Variants in CTNNA3 observed in about 807,000 individuals in gnomAD.
CTNNA3 encodes the protein catenin alpha 3.
In CTNNA3, 76 loss-of-function variants were observed where a neutral mutation model predicts 95.7. The observed-to-expected ratio is 0.79, with a 90% CI of 0.66 to 0.96. The LOEUF (loss-of-function observed/expected upper bound fraction) is 0.96. Ranked by LOEUF, CTNNA3 falls within the 40% of genes least tolerant of loss-of-function variation. The pLI, the probability that CTNNA3 is intolerant of heterozygous loss-of-function variation, is 0.00. For missense variants in CTNNA3, 1,191 were observed against 1,089.8 expected (o/e 1.09, Z -1.31); for synonymous variants, 431 against 374.4 (o/e 1.15, Z -1.74).
intron 7 of CTNNA3, chr10:67,098,480 A>AT (rs560959831): frequency 3.3e-5 from 5 of 152,306 alleles, no homozygotes; most frequent in East Asian, 1.9e-4. Flanking sequence ...AAAATCAAAG[A>AT]TTTTTTTAAC....
chr10:67,103,958 G>A (rs1858486347), intron 7 of CTNNA3, among the ~76,000 whole-genome samples: 1 of 151,588 alleles, frequency 6.6e-6, no homozygotes, highest in Admixed American at 6.6e-5. Flanking sequence ...CCTAAAAAGA[G>A]TAGACATTTG....
chr10:67,303,502 GC>G lies in CTNNA3; in HGVS notation c.580-83633del, dbSNP rs1454054838. Reference sequence around the variant, plus strand: ...GAGATCCGGCATGCAGGCCTAATTTGCTTTTGTTAACACACCCAAGTTTTGA... The same window carrying G: ...GAGATCCGGCATGCAGGCCTAATTTGTTTTGTTAACACACCCAAGTTTTGA... On this transcript the variant is annotated intron_variant, in intron 5 of 17. Transcript: ENST00000433211. Among the ~76,000 whole-genome samples the G allele has an allele frequency of 2.0e-5, 3 of 152,142 alleles. No individual in the cohort carries two copies. In the East Asian group the frequency reaches 5.8e-4, roughly 29 times the overall value.
chr10:66,528,401 T>C (rs1302754006), intron 10 of CTNNA3, among the ~76,000 whole-genome samples: 1 of 152,188 alleles, frequency 6.6e-6, no homozygotes, highest in Non-Finnish European at 1.5e-5. Context: ...CTTGAACATC[T>C]AAACTACGTT....
At chr10:67,451,832 T>C (rs551552421) in intron 5 of CTNNA3, among the ~76,000 whole-genome samples, 19 of 152,306 alleles carry the variant, frequency 1.2e-4, no homozygotes, top group African/African-American at 3.6e-4. Flanking sequence ...TTACTTCATA[T>C]TTTACCATTT....
Position 66,617,975 on chromosome 10 carries a change from A to G in CTNNA3, c.1374+3717T>C, listed in dbSNP as rs1208265495. Among the ~76,000 whole-genome samples, 3 of 151,726 alleles carry G rather than the reference A, an allele frequency of 2.0e-5. No individual in the cohort carries two copies. In the East Asian group the frequency reaches 5.8e-4, roughly 29 times the overall value. The stretch of plus-strand genomic sequence containing the variant: ...TCCCATTCACAATTGCTTCAAAGAG[A>G]ATAAAATAACTAGGAATCCAACTTA... On this transcript the variant is annotated intron_variant, in intron 10 of 17. Transcript: ENST00000433211.
At chr10:66,217,728 C>G (rs2088647517) in intron 13 of CTNNA3, among the ~76,000 whole-genome samples, 1 of 152,098 alleles carries the variant, frequency 6.6e-6, no homozygotes, top group African/African-American at 2.4e-5. Flanking sequence ...TTTTCTCCCC[C>G]CAAAAGGATT....
At chr10:66,116,094 T>A (rs1046102979) in intron 13 of CTNNA3, among the ~76,000 whole-genome samples, 1 of 152,206 alleles carries the variant, frequency 6.6e-6, no homozygotes, top group African/African-American at 2.4e-5. Flanking sequence ...AATTATGCTC[T>A]GTATTTAAAG....
chr10:66,539,491 A>C (rs1184724920), intron 10 of CTNNA3, among the ~76,000 whole-genome samples: 8 of 152,156 alleles, frequency 5.3e-5, no homozygotes, highest in African/African-American at 1.7e-4. Context: ...GAAATCCAAC[A>C]GACTTTAGTT....
intron 11 of CTNNA3, among the ~76,000 whole-genome samples, chr10:66,443,049 T>C (rs1167860092): frequency 6.6e-6 from 1 of 152,102 alleles, no homozygotes; most frequent in African/African-American, 2.4e-5. Flanking sequence ...CCACAGAGTC[T>C]CACTGATTGC....
chr10:66,190,484 G>C (rs1052082808), intron 13 of CTNNA3, among the ~76,000 whole-genome samples: 2 of 152,110 alleles, frequency 1.3e-5, no homozygotes, highest in Non-Finnish European at 2.9e-5. Flanking sequence ...CTTATGGTCT[G>C]AGTGGACTAG....
chr10:66,431,588 C>T (rs2093296132), intron 11 of CTNNA3, among the ~76,000 whole-genome samples: 1 of 151,878 alleles, frequency 6.6e-6, no homozygotes, highest in Non-Finnish European at 1.5e-5. Flanking sequence ...GAGTTCATGT[C>T]CTTTGTAGGG....
intron 7 of CTNNA3, among the ~76,000 whole-genome samples, chr10:66,985,037 T>A (rs898076062): frequency 6.6e-6 from 1 of 152,176 alleles, no homozygotes; most frequent in Non-Finnish European, 1.5e-5. Flanking sequence ...ACAGAGCTCA[T>A]CCCTGCCTTT....
intron 7 of CTNNA3, among the ~76,000 whole-genome samples, chr10:66,930,546 T>C (rs886674739): frequency 6.6e-6 from 1 of 152,222 alleles, no homozygotes; most frequent in Non-Finnish European, 1.5e-5. Context: ...ACCCCATTTC[T>C]ATTCTTTTTC....
At chr10:67,115,346 G>A in intron 7 of CTNNA3, among the ~76,000 whole-genome samples, 1 of 151,268 alleles carries the variant, frequency 6.6e-6, no homozygotes. Flanking sequence ...TGTGGGGTTG[G>A]GGGAGGGGCG....
intron 15 of CTNNA3, among the ~76,000 whole-genome samples, chr10:66,036,784 T>C (rs568508603): frequency 1.5e-4 from 23 of 152,242 alleles, no homozygotes; most frequent in Non-Finnish European, 2.6e-4. Context: ...TTAGCAGTTG[T>C]TAAAAGAGAA....
intron 13 of CTNNA3, among the ~76,000 whole-genome samples, chr10:66,178,045 A>G (rs1449343932): frequency 6.6e-6 from 1 of 151,846 alleles, no homozygotes; most frequent in Non-Finnish European, 1.5e-5. Flanking sequence ...TTTTAATGAT[A>G]TGATACTGGG....
chr10:67,118,867 G>A (rs572885660), intron 7 of CTNNA3, among the ~76,000 whole-genome samples: 2 of 151,858 alleles, frequency 1.3e-5, no homozygotes, highest in East Asian at 1.9e-4. Flanking sequence ...AATCAGAACT[G>A]TTTATGTAGA....
At chr10:67,328,804 C>T in intron 5 of CTNNA3, among the ~76,000 whole-genome samples, 1 of 152,120 alleles carries the variant, frequency 6.6e-6, no homozygotes, top group Non-Finnish European at 1.5e-5. Context: ...TTCCACCTGC[C>T]TGCGTCTAGT....
At chr10:67,333,069 T>A (rs2132588927) in intron 5 of CTNNA3, among the ~76,000 whole-genome samples, 1 of 152,310 alleles carries the variant, frequency 6.6e-6, no homozygotes, top group African/African-American at 2.4e-5. Context: ...ACATACTTTA[T>A]CAAAGCGTAC....
Sources: gnomAD v4.1 joint callset for allele counts (sites outside exome capture counted in the v4.1 genomes callset) on GRCh38, gnomAD v4.1.1 for gene constraint, MANE v1.5 for transcripts, NCBI Gene and HGNC (gene_info 2026-07-23, HGNC 2026-07-21) for gene names.